The following SH3GLB2 variants were observed in gnomAD, a reference collection of about 807,000 sequenced individuals.
SH3GLB2 encodes SH3 domain containing GRB2 like, endophilin B2, also known as endophilin-B2.
In SH3GLB2, 24 loss-of-function variants were observed where a neutral mutation model predicts 48.0. The ratio of observed to expected loss-of-function variants is 0.50; its 90% CI spans 0.36 to 0.70. The LOEUF (loss-of-function observed/expected upper bound fraction) is 0.70. SH3GLB2 is among the 30% of genes least tolerant of loss of function. The pLI, the probability that SH3GLB2 is intolerant of heterozygous loss-of-function variation, is 0.00. For synonymous variants in SH3GLB2, 227 were observed against 207.6 expected, an observed-to-expected ratio of 1.09 and a Z score of -0.80; for missense variants, 425 against 516.0, an observed-to-expected ratio of 0.82 and a Z score of 1.71.
chr9:129,009,595 T>A, intron 9 of SH3GLB2, 176 bp downstream of exon 9: 1 of 1,491,214 alleles, frequency 6.7e-7, no homozygotes, highest in South Asian at 1.2e-5. Flanking sequence ...TGGCCGTCAG[T>A]AAGGCCAGCC....
chr9:129,014,613 A>G lies in SH3GLB2; in HGVS notation c.469-110T>C. 1.3e-6 allele frequency: 2 copies of G among 1,488,312 alleles called. No homozygotes were observed. The highest frequency in any genetic ancestry group is 1.8e-6 in the Non-Finnish European group (2 of 1,081,728). The allele number at this position is 1,488,312 out of a possible 1,614,324, so 92.2% of individuals were successfully genotyped here. On this transcript the variant is annotated intron_variant, in intron 4 of 10. Transcript: ENST00000372564. The surrounding 1 kb of genome is among the most constrained non-coding windows in gnomAD (Gnocchi z 4.1). ...CGATCAAGTCAAGATAGGGAAACTG[A>G]GGCCCAGAGATAGGAGGTCACTCAG...
At chr9:129,027,968 C>T in intron 1 of SH3GLB2, 124 bp downstream of exon 1, 3 of 893,812 alleles carry the variant, frequency 3.4e-6, no homozygotes, top group Non-Finnish European at 4.7e-6. Context: ...CAGAGGTGTG[C>T]CGCGGCGGGG....
chr9:129,013,649 C>T, intron 5 of SH3GLB2: 1 of 189,758 alleles, frequency 5.3e-6, no homozygotes, highest in Non-Finnish European at 1.1e-5. Context: ...CCAGGCTAGG[C>T]CTGGCCTCCC....
In SH3GLB2 at chr9:129,008,807, TA is replaced by T. The variant is rs1338735064; in HGVS notation, c.1081-17del. 2 of 1,610,426 alleles carry T rather than the reference TA, an allele frequency of 1.2e-6. No homozygotes were observed. The highest frequency in any genetic ancestry group is 1.7e-6 in the Non-Finnish European group (2 of 1,177,218). On this transcript the variant is annotated splice_polypyrimidine_tract_variant and intron_variant, in intron 10 of 10. Transcript: ENST00000372564. ...CAGTGATGAGCTGCAGAGATGGCAG[TA>T]GAGGACGGTCATGGCCTGGCCAAGG...
chr9:129,009,952 C>G lies in SH3GLB2; in HGVS notation c.739-81G>C, dbSNP rs1252703454. ...TTCCGTCCCCATCCCCGTCCTCTAC[C>G]AGACCTTGCTCCGGCATTCCAGGGT... On this transcript the variant is annotated intron_variant, in intron 8 of 10. Coordinates refer to ENST00000372564, the MANE Select transcript of SH3GLB2 (RefSeq NM_020145.4). The G allele has an allele frequency of 5.5e-6, 8 of 1,446,314 alleles. No homozygotes were observed. In the South Asian group the frequency reaches 8.4e-5, roughly 15 times the overall value. The allele number at this position is 1,446,314 out of a possible 1,614,324, so 89.6% of individuals were successfully genotyped here. A position where few individuals can be genotyped will look rare whatever the true frequency, so the allele number is the denominator to read the frequency against.
chr9:129,010,000 CT>C, intron 8 of SH3GLB2, 119 bp downstream of exon 8: 1 of 1,372,698 alleles, frequency 7.3e-7, no homozygotes, highest in South Asian at 1.2e-5. Flanking sequence ...CGCCCACACC[CT>C]CCCCGGTGGG....
chr9:129,013,901 G>C (rs909783535), intron 5 of SH3GLB2: 9 of 382,664 alleles, frequency 2.4e-5, no homozygotes, highest in Non-Finnish European at 4.2e-5. Context: ...TGGGAGTGAA[G>C]GGGGCGCCAG....
At position 129,009,875 on chromosome 9, in the gene SH3GLB2, C is replaced by T. The variant is rs80099352; in HGVS notation, c.739-4G>A. On this transcript the variant is annotated splice_polypyrimidine_tract_variant and splice_region_variant and intron_variant, in intron 8 of 10. Coordinates refer to ENST00000372564, the MANE Select transcript of SH3GLB2 (RefSeq NM_020145.4). Reference sequence around the variant, plus strand: ...GGAGGCAGCGCAGGTGGTTCACCTGCGGGGAAGAGGCCAGAGGCTGACTTC... The same window carrying T: ...GGAGGCAGCGCAGGTGGTTCACCTGTGGGGAAGAGGCCAGAGGCTGACTTC... 52,216 of 1,612,418 alleles carry T rather than the reference C, an allele frequency of 0.032. 1,312 individuals are homozygous for T. Among genetic ancestry groups the T allele is most frequent in the East Asian group, 0.15 (6,644 of 44,814 alleles).
intron 3 of SH3GLB2, among the ~76,000 whole-genome samples, chr9:129,018,360 A>G (rs56305559): frequency 0.065 from 9,707 of 148,628 alleles, 394 homozygotes; most frequent in Non-Finnish European, 0.09. Flanking sequence ...GGCGGATCAC[A>G]AGGTCAGGAG....
intron 5 of SH3GLB2, chr9:129,013,448 G>A (rs1371174421): frequency 1.9e-5 from 4 of 215,860 alleles, no homozygotes; most frequent in Non-Finnish European, 3.8e-5. Context: ...TCCTGTTCAG[G>A]TGCCTTAGAA....
chr9:129,018,993 T>A (rs965249479), intron 3 of SH3GLB2, among the ~76,000 whole-genome samples: 1 of 151,854 alleles, frequency 6.6e-6, no homozygotes, highest in Admixed American at 6.6e-5. Context: ...AATGAACTTA[T>A]AGGGACCGAA....
chr9:129,012,016 G>A (rs887846332), intron 6 of SH3GLB2: 1 of 396,442 alleles, frequency 2.5e-6, no homozygotes, highest in Admixed American at 4.4e-5. Context: ...TTTTGCAGAG[G>A]GAAACAAGTC....
intron 3 of SH3GLB2, among the ~76,000 whole-genome samples, chr9:129,020,206 C>CAA (rs60400704): frequency 0.34 from 7,906 of 23,052 alleles, 2,578 homozygotes; most frequent in Non-Finnish European, 0.47. Flanking sequence ...ACTCCATCTC[C>CAA]AAAAAAAAAA....
At chr9:129,022,842 C>T (rs1843895600) in intron 1 of SH3GLB2, among the ~76,000 whole-genome samples, 1 of 152,122 alleles carries the variant, frequency 6.6e-6, no homozygotes, top group African/African-American at 2.4e-5. Flanking sequence ...CTGGGGTTAT[C>T]AGGGGGCTCC....
chr9:129,010,407 T>C, intron 7 of SH3GLB2, 198 bp from the exon 8 acceptor site: 1 of 639,492 alleles, frequency 1.6e-6, no homozygotes, highest in Non-Finnish European at 2.8e-6. Flanking sequence ...CACAGGCAGC[T>C]GCAGTGACAG....
At position 129,021,165 on chromosome 9, in the gene SH3GLB2, C is replaced by A; in HGVS notation, c.260G>T (p.Arg87Met). The change falls in exon 3 of 11, where the codon AGG (arginine) becomes ATG (methionine). Residue 87 changes from arginine (R) to methionine (M), a missense_variant. Physicochemically the swap from Arg to Met is moderately conservative, Grantham distance 91 (BLOSUM62 -1). Coordinates refer to ENST00000372564, the MANE Select transcript of SH3GLB2 (RefSeq NM_020145.4). ...YEKLDRKVPSRVTNGELLAQY... is the reference protein window; with the variant it reads ...YEKLDRKVPSMVTNGELLAQY... ...AGCCAGCAGCTCCCCGTTGGTGACCCTTGAGGGGACCTTCCTGTCCAGCTT... is the reference window on the plus strand; with the variant it reads ...AGCCAGCAGCTCCCCGTTGGTGACCATTGAGGGGACCTTCCTGTCCAGCTT... 6.2e-7 allele frequency: 1 copy of A among 1,612,182 alleles called. No homozygotes were observed. Among genetic ancestry groups the A allele is most frequent in the Non-Finnish European group, 8.5e-7 (1 of 1,179,708 alleles).
chr9:129,017,775 G>A (rs1342093632), intron 3 of SH3GLB2, among the ~76,000 whole-genome samples: 1 of 151,944 alleles, frequency 6.6e-6, no homozygotes, highest in African/African-American at 2.4e-5. Flanking sequence ...GCAGGTGCCT[G>A]TAGTCCCAGC....
chr9:129,022,429 C>A lies in SH3GLB2; in HGVS notation c.64-6G>T. 1 of 1,612,596 alleles carries A rather than the reference C, an allele frequency of 6.2e-7. No homozygotes were observed. Among genetic ancestry groups the A allele is most frequent in the South Asian group, 1.1e-5 (1 of 90,962 alleles). ...CCAAATTTCTCCTCCGTGAACTACGCAGAGGGGAAGGCCAAGGGGTGGGGA... is the reference window on the plus strand; with the variant it reads ...CCAAATTTCTCCTCCGTGAACTACGAAGAGGGGAAGGCCAAGGGGTGGGGA... On this transcript the variant is annotated splice_polypyrimidine_tract_variant and splice_region_variant and intron_variant, in intron 1 of 10. Coordinates refer to ENST00000372564, the MANE Select transcript of SH3GLB2 (RefSeq NM_020145.4).
intron 2 of SH3GLB2, 76 bp downstream of exon 2, chr9:129,022,206 A>G: frequency 1.9e-6 from 3 of 1,567,546 alleles, no homozygotes; most frequent in Non-Finnish European, 2.6e-6. Context: ...CACCTATGCC[A>G]CAACAGGGCC....
Sources: allele counts gnomAD v4.1 joint callset (sites outside exome capture counted in the v4.1 genomes callset), GRCh38; gene constraint gnomAD v4.1.1; non-coding constraint Gnocchi (gnomAD v3.1); transcripts MANE v1.5; gene names NCBI Gene and HGNC (gene_info 2026-07-23, HGNC 2026-07-21).